The following FAN1 variants were observed in gnomAD, a reference collection of about 807,000 sequenced individuals.
FAN1 encodes FANCD2 and FANCI associated nuclease 1.
In FAN1, 91 loss-of-function variants were observed where a neutral mutation model predicts 104.9. The ratio of observed to expected loss-of-function variants is 0.87; its 90% confidence interval spans 0.73 to 1.03. The LOEUF is 1.03. Among genes scored for constraint, FAN1 ranks in the 50% least tolerant of loss-of-function variants. The pLI is 0.00. For synonymous variants in FAN1, 478 were observed against 457.6 expected (o/e 1.04, Z -0.57); for missense variants, 1,263 against 1,239.9 (o/e 1.02, Z -0.28).
At chr15:30,939,132 GT>G (rs2062953088) in intron 14 of FAN1, 15 of 985,344 alleles carry the variant, frequency 1.5e-5, no homozygotes, top group Non-Finnish European at 1.7e-5. Context: ...AGCAGATTTT[GT>G]TGACAAATGT....
Position 30,904,764 on chromosome 15 carries a change from T to C in FAN1, c.101T>C (p.Phe34Ser). ...GCATCTAATTCTATTATTTCGTGTTTTAACAATGCACCACCTGCTAAACTT... is the reference window on the plus strand; with the variant it reads ...GCATCTAATTCTATTATTTCGTGTTCTAACAATGCACCACCTGCTAAACTT... ...KKASNSIISC[F>S]NNAPPAKLAC... The change falls in exon 2 of 15, where the codon TTT becomes TCT. Residue 34 changes from phenylalanine (F) to serine (S), a missense_variant. Physicochemically the swap from Phe to Ser is radical, Grantham distance 155. Around this residue, in one of 2 missense-constraint regions of FAN1, gnomAD observed 682 missense variants for 571.1 expected, o/e 1.19. Transcript: ENST00000362065. 6.2e-7 allele frequency: 1 copy of C among 1,613,446 alleles called. No homozygotes were observed. Among genetic ancestry groups the C allele is most frequent in the Non-Finnish European group, 8.5e-7 (1 of 1,179,454 alleles).
chr15:30,917,630 G>GA (rs1359371429), intron 5 of FAN1, among the ~76,000 whole-genome samples: 3 of 152,184 alleles, frequency 2.0e-5, no homozygotes, highest in Non-Finnish European at 4.4e-5. Context: ...CTAAAGGAGC[G>GA]ATGAAAAATT....
chr15:30,942,944 TC>T lies in FAN1; in HGVS notation c.*1384del. 1 of 1,565,644 alleles carries T rather than the reference TC, an allele frequency of 6.4e-7. No homozygotes were observed. The highest frequency in any genetic ancestry group is 8.7e-7 in the Non-Finnish European group (1 of 1,152,956). ...CATTCTGTATACAAGGTGTGCTCTTTCCAATGTAGAAGGGGTTATGGAAAAG... is the reference window on the plus strand; with the variant it reads ...CATTCTGTATACAAGGTGTGCTCTTTCAATGTAGAAGGGGTTATGGAAAAG... On this transcript the variant is annotated 3_prime_UTR_variant, in exon 15 of 15. Transcript: ENST00000362065.
intron 13 of FAN1, among the ~76,000 whole-genome samples, chr15:30,935,528 T>A (rs1025637588): frequency 1.3e-5 from 2 of 152,158 alleles, no homozygotes; most frequent in African/African-American, 4.8e-5. Flanking sequence ...GCATTTATAT[T>A]AGGTATTATA....
chr15:30,941,465 CT>C (rs1566941956), intron 14 of FAN1, 100 bp from the exon 15 acceptor site: 1 of 1,597,128 alleles, frequency 6.3e-7, no homozygotes, highest in Admixed American at 1.7e-5. Flanking sequence ...AGAAAACACC[CT>C]ATTTTAGTCT....
intron 6 of FAN1, among the ~76,000 whole-genome samples, chr15:30,919,378 CAA>C (rs34395788): frequency 2.3e-3 from 176 of 75,104 alleles, no homozygotes; most frequent in Middle Eastern, 0.019. Flanking sequence ...AACTCCGTCT[CAA>C]AAAAAAAAAA....
chr15:30,928,631 C>T lies in FAN1; in HGVS notation c.2567C>T (p.Pro856Leu), dbSNP rs771776626. 27 of 1,613,496 alleles carry T rather than the reference C, an allele frequency of 1.7e-5. No individual in the cohort carries two copies. Among genetic ancestry groups the T allele is most frequent in the East Asian group, 4.5e-5 (2 of 44,842 alleles). Residue 856 changes from proline to leucine, a missense_variant, in exon 11 of 15, where the codon CCG (proline) becomes CTG (leucine). Transcript: ENST00000362065. ...LWDIIFMDGI[P>L]DVFRNACQAF... ...GACATCATCTTCATGGATGGGATTC[C>T]GGATGTCTTCAGAAACGCCTGTCAG...
intron 5 of FAN1, 134 bp downstream of exon 5, chr15:30,914,225 C>T: frequency 1.6e-6 from 1 of 643,064 alleles, no homozygotes; most frequent in Non-Finnish European, 2.7e-6. Context: ...TTTTTTGCCC[C>T]ACTTGTATAC....
chr15:30,911,225 T>C, intron 4 of FAN1: 4 of 993,278 alleles, frequency 4.0e-6, no homozygotes, highest in Non-Finnish European at 4.8e-6. Flanking sequence ...CGTAACAATT[T>C]ACCAAAAACT....
At chr15:30,922,161 T>TG (rs2062348538) in intron 7 of FAN1, 74 bp from the exon 8 acceptor site, 7 of 1,548,712 alleles carry the variant, frequency 4.5e-6, no homozygotes, top group Non-Finnish European at 4.4e-6. Context: ...TTACCAATCC[T>TG]ATGGGCTTGT....
At position 30,908,254 on chromosome 15, in the gene FAN1, G is replaced by T; in HGVS notation, c.1371G>T (p.Gln457His). Residue 457 changes from glutamine (Q) to histidine (H), a missense_variant, in exon 3 of 15, where the codon CAG becomes CAT. Gln to His is a conservative substitution (Grantham distance 24). Transcript: ENST00000362065. The stretch of plus-strand genomic sequence containing the variant: ...AATTGACGAATGCAGGCTTTCTACA[G>T]ACAGGTATGACTAGTAGAAGGAGAT... ...IEELTNAGFL[Q>H]TESELQELSE... 6.2e-7 allele frequency: 1 copy of T among 1,602,564 alleles called. No individual in the cohort carries two copies. The highest frequency in any genetic ancestry group is 8.5e-7 in the Non-Finnish European group (1 of 1,175,474).
chr15:30,929,290 C>T lies in FAN1; in HGVS notation c.2680C>T (p.Pro894Ser), dbSNP rs80120912. The T allele has an allele frequency of 0.016, 25,180 of 1,613,114 alleles. 286 individuals are homozygous for T. The highest frequency in any genetic ancestry group is 0.017 in the Non-Finnish European group (20,229 of 1,179,622). The change falls in exon 12 of 15, where the codon CCC (proline) becomes TCC (serine). Residue 894 changes from proline (P) to serine (S), a missense_variant. This residue lies in a region of FAN1 where 581 missense variants were observed against 668.8 expected (regional missense o/e 0.87). Transcript: ENST00000362065. ...EARLQLIHDA[P>S]EESLRAWVAA... is the part of the protein sequence containing the mutation. ...CAGGCTGCAGCTGATTCATGATGCCCCCGAGGAGAGCCTGCGGGCCTGGGT... is the reference window on the plus strand; with the variant it reads ...CAGGCTGCAGCTGATTCATGATGCCTCCGAGGAGAGCCTGCGGGCCTGGGT...
Position 30,928,609 on chromosome 15 carries a change from A to G in FAN1, c.2545A>G (p.Ile849Val). 6.2e-7 allele frequency: 1 copy of G among 1,613,620 alleles called. No individual in the cohort carries two copies. Among genetic ancestry groups the G allele is most frequent in the Non-Finnish European group, 8.5e-7 (1 of 1,179,944 alleles). ...STLYGLLLWD[I>V]IFMDGIPDVF... ...CCTGTATGGCCTCCTCCTGTGGGAC[A>G]TCATCTTCATGGATGGGATTCCGGA... The change falls in exon 11 of 15, where the codon ATC becomes GTC. Residue 849 changes from isoleucine (I) to valine (V), a missense_variant. By Grantham distance (29) the Ile-to-Val change is conservative. Around this residue, in one of 2 missense-constraint regions of FAN1, gnomAD observed 581 missense variants for 668.8 expected, o/e 0.87. Transcript: ENST00000362065.
In FAN1 at chr15:30,925,390, T is replaced by C. The variant is rs55635408; in HGVS notation, c.2337+99T>C. 8.4e-3 allele frequency: 9,765 copies of C among 1,160,040 alleles called. 62 individuals carry two copies. Among genetic ancestry groups the C allele is most frequent in the Non-Finnish European group, 0.011 (8,816 of 823,338 alleles). 71.9% of individuals were successfully genotyped at this position (1,160,040 alleles called of 1,614,324 possible). A position where few individuals can be genotyped will look rare whatever the true frequency, so the allele number is the denominator to read the frequency against. On this transcript the variant is annotated intron_variant, in intron 9 of 14. Coordinates refer to ENST00000362065, the MANE Select transcript of FAN1 (RefSeq NM_014967.5). ...GAGCTGTTTTGAGTGTGTGTTTTCT[T>C]TTAGACTCGGAATAATCTAAAACTC...
intron 3 of FAN1, among the ~76,000 whole-genome samples, chr15:30,909,943 T>G (rs1229266849): frequency 2.0e-5 from 3 of 152,256 alleles, no homozygotes; most frequent in African/African-American, 7.2e-5. Context: ...CTGATAAATT[T>G]GCCTATTCAT....
intron 12 of FAN1, among the ~76,000 whole-genome samples, chr15:30,929,764 A>T (rs1422730675): frequency 2.0e-5 from 1 of 49,658 alleles, no homozygotes; most frequent in East Asian, 5.0e-3. Flanking sequence ...TATAATATAT[A>T]AAATATATAA....
intron 2 of FAN1, chr15:30,906,366 T>C: frequency 2.2e-6 from 1 of 457,210 alleles, no homozygotes; most frequent in South Asian, 1.5e-5. Flanking sequence ...CCAACAACAT[T>C]TTAGATTTAT....
In FAN1 at chr15:30,928,618, A is replaced by G; in HGVS notation, c.2554A>G (p.Met852Val). 6.2e-7 allele frequency: 1 copy of G among 1,613,282 alleles called. No individual in the cohort carries two copies. The highest frequency in any genetic ancestry group is 8.5e-7 in the Non-Finnish European group (1 of 1,179,902). Residue 852 changes from methionine (M) to valine (V), a missense_variant, in exon 11 of 15, where the codon ATG becomes GTG. Coordinates refer to ENST00000362065, the MANE Select transcript of FAN1 (RefSeq NM_014967.5). ...YGLLLWDIIFMDGIPDVFRNA... is the reference protein window; with the variant it reads ...YGLLLWDIIFVDGIPDVFRNA... ...CCTCCTCCTGTGGGACATCATCTTC[A>G]TGGATGGGATTCCGGATGTCTTCAG... is the stretch of plus-strand genomic sequence containing the variant.
intron 5 of FAN1, among the ~76,000 whole-genome samples, chr15:30,915,999 G>A (rs2062191182): frequency 6.6e-6 from 1 of 152,184 alleles, no homozygotes; most frequent in Admixed American, 6.5e-5. Context: ...TAAGAAGTAA[G>A]TTATTGAAAT....
Sources: allele counts gnomAD v4.1 joint callset (sites outside exome capture counted in the v4.1 genomes callset), GRCh38; gene constraint gnomAD v4.1.1; regional missense constraint gnomAD v4.1.1; transcripts MANE v1.5; gene names NCBI Gene and HGNC (gene_info 2026-07-23, HGNC 2026-07-21).